The following NLK variants were observed in gnomAD, a reference collection of about 807,000 sequenced individuals.
The protein encoded by NLK is serine/threonine-protein kinase NLK.
A neutral mutation model predicts 59.0 loss-of-function variants in NLK; 11 were observed. That is an observed-to-expected ratio of 0.19 (90% CI 0.12 to 0.31). The LOEUF is 0.31. NLK is among the 10% of genes least tolerant of loss of function. NLK has a pLI of 1.00. For missense variants in NLK, 410 were observed against 661.1 expected, an observed-to-expected ratio of 0.62 and a Z score of 4.16; for synonymous variants, 235 against 235.9, an observed-to-expected ratio of 1.00 and a Z score of 0.03.
intron 8 of NLK, among the ~76,000 whole-genome samples, chr17:28,185,669 C>G (rs1406398809): frequency 2.0e-5 from 3 of 152,032 alleles, no homozygotes; most frequent in Middle Eastern, 3.2e-3. Flanking sequence ...CTACCCGAGC[C>G]CCCTGAGTAT....
intron 1 of NLK, among the ~76,000 whole-genome samples, chr17:28,067,200 T>C (rs900394940): frequency 1.3e-5 from 2 of 152,230 alleles, no homozygotes; most frequent in Non-Finnish European, 2.9e-5. Flanking sequence ...TTCTGCGTTT[T>C]CTTCTAAAAG....
chr17:28,093,484 T>A (rs1034231216), intron 1 of NLK, among the ~76,000 whole-genome samples: 1 of 152,162 alleles, frequency 6.6e-6, no homozygotes, highest in South Asian at 2.1e-4. Context: ...TAAAAAAAAT[T>A]CTGTGAAATG....
At position 28,172,827 on chromosome 17, in the gene NLK, G is replaced by A. The variant is rs1908518356; in HGVS notation, c.1149+209G>A. Among the ~76,000 whole-genome samples the A allele has an allele frequency of 1.3e-5, 2 of 152,074 alleles. 1 individual carries two copies. Among genetic ancestry groups the A allele is most frequent in the South Asian group, 4.1e-4 (2 of 4,824 alleles). Reference sequence around the variant, plus strand: ...ATGCCGTAGGAGAAAGTGCGTGTTTGTGTAGCTCCTTTGCTAATAGATGAC... The same window carrying A: ...ATGCCGTAGGAGAAAGTGCGTGTTTATGTAGCTCCTTTGCTAATAGATGAC... On this transcript the variant is annotated intron_variant, in intron 7 of 10. Coordinates refer to ENST00000407008, the MANE Select transcript of NLK (RefSeq NM_016231.5).
At chr17:28,167,432 G>A (rs1232379774) in intron 5 of NLK, among the ~76,000 whole-genome samples, 2 of 150,996 alleles carry the variant, frequency 1.3e-5, no homozygotes. Flanking sequence ...GTAGAGTTGA[G>A]ATCTTGTTAT....
At chr17:28,121,702 T>C (rs761064662) in intron 1 of NLK, among the ~76,000 whole-genome samples, 3 of 151,808 alleles carry the variant, frequency 2.0e-5, no homozygotes, top group Non-Finnish European at 4.4e-5. Context: ...TTTCACCATG[T>C]TGGCCAGGCT....
intron 3 of NLK, among the ~76,000 whole-genome samples, chr17:28,160,402 A>G (rs1907957062): frequency 1.3e-5 from 2 of 152,320 alleles, no homozygotes; most frequent in Admixed American, 1.3e-4. Context: ...CTTAATACTT[A>G]AATTATAAGA....
intron 8 of NLK, among the ~76,000 whole-genome samples, chr17:28,186,662 G>C (rs1160255659): frequency 1.3e-5 from 2 of 152,166 alleles, no homozygotes; most frequent in African/African-American, 2.4e-5. Flanking sequence ...AGCTTGTGCA[G>C]GGAAACACCC....
intron 1 of NLK, among the ~76,000 whole-genome samples, chr17:28,076,961 T>A (rs1910178183): frequency 6.6e-6 from 1 of 152,210 alleles, no homozygotes; most frequent in African/African-American, 2.4e-5. Context: ...TAAAATTTGC[T>A]AATTTAATGC....
At chr17:28,110,319 G>A (rs971482337) in intron 1 of NLK, among the ~76,000 whole-genome samples, 2 of 151,930 alleles carry the variant, frequency 1.3e-5, no homozygotes, top group Non-Finnish European at 2.9e-5. Flanking sequence ...CTAAAATATG[G>A]CATTCCACTG....
At chr17:28,138,356 G>A (rs1223508558) in intron 3 of NLK, among the ~76,000 whole-genome samples, 2 of 152,202 alleles carry the variant, frequency 1.3e-5, no homozygotes, top group African/African-American at 2.4e-5. Context: ...TGGAGTGTCC[G>A]TACACGCTGG....
At chr17:28,126,969 G>C (rs1293542190) in intron 2 of NLK, among the ~76,000 whole-genome samples, 3 of 152,108 alleles carry the variant, frequency 2.0e-5, no homozygotes, top group Non-Finnish European at 2.9e-5. Context: ...TATGAATCCT[G>C]TCAGAAAAAT....
At chr17:28,148,736 CAG>C (rs1414890852) in intron 3 of NLK, among the ~76,000 whole-genome samples, 1 of 152,106 alleles carries the variant, frequency 6.6e-6, no homozygotes, top group Non-Finnish European at 1.5e-5. Flanking sequence ...TTTCAGCAAA[CAG>C]ATAAATCCTC....
chr17:28,155,501 T>C (rs1907664465), intron 3 of NLK, among the ~76,000 whole-genome samples: 1 of 152,180 alleles, frequency 6.6e-6, no homozygotes. Context: ...TGTGGCCCTA[T>C]TCACAATAGC....
chr17:28,089,940 C>G (rs931921857), intron 1 of NLK, among the ~76,000 whole-genome samples: 2 of 152,044 alleles, frequency 1.3e-5, no homozygotes, highest in African/African-American at 4.8e-5. Context: ...AATACAAATC[C>G]TTTATCAGCA....
intron 1 of NLK, among the ~76,000 whole-genome samples, chr17:28,114,241 A>G (rs1393037277): frequency 6.6e-6 from 1 of 152,188 alleles, no homozygotes; most frequent in East Asian, 1.9e-4. Context: ...AGATATGCAT[A>G]TTCCTTTTGG....
chr17:28,071,057 T>C (rs187277623), intron 1 of NLK, among the ~76,000 whole-genome samples: 1 of 152,300 alleles, frequency 6.6e-6, no homozygotes, highest in African/African-American at 2.4e-5. Context: ...TCCTATGTAT[T>C]ATAGGATGTT....
intron 1 of NLK, among the ~76,000 whole-genome samples, chr17:28,066,028 A>G (rs536381916): frequency 6.6e-6 from 1 of 152,242 alleles, no homozygotes; most frequent in Non-Finnish European, 1.5e-5. Context: ...TTACACCCAC[A>G]GACGAAGTTA....
intron 2 of NLK, among the ~76,000 whole-genome samples, chr17:28,130,360 G>A (rs1474142644): frequency 6.6e-6 from 1 of 152,074 alleles, no homozygotes; most frequent in Non-Finnish European, 1.5e-5. Flanking sequence ...TAGAAGCACT[G>A]TAGAATGCCA....
intron 1 of NLK, among the ~76,000 whole-genome samples, chr17:28,075,828 C>T (rs1371213208): frequency 3.3e-5 from 5 of 152,080 alleles, no homozygotes; most frequent in Admixed American, 6.6e-5. Flanking sequence ...CTCCTCTTCC[C>T]GCACCCTTTA....
Sources: allele counts gnomAD v4.1 joint callset (sites outside exome capture counted in the v4.1 genomes callset), GRCh38; gene constraint gnomAD v4.1.1; transcripts MANE v1.5; gene names NCBI Gene and HGNC (gene_info 2026-07-23, HGNC 2026-07-21).